The following KIF21A variants were observed in gnomAD, a reference collection of about 807,000 sequenced individuals.
KIF21A encodes kinesin family member 21A.
A neutral mutation model predicts 202.9 loss-of-function variants in KIF21A; 114 were observed. The ratio of observed to expected loss-of-function variants is 0.56; its 90% CI spans 0.48 to 0.66. The LOEUF is 0.66. KIF21A is among the 30% of genes least tolerant of loss of function. KIF21A has a pLI of 0.00. For synonymous variants in KIF21A, 667 were observed against 670.8 expected, an observed-to-expected ratio of 0.99 and a Z score of 0.09; for missense variants, 1,677 against 1,994.9, an observed-to-expected ratio of 0.84 and a Z score of 3.04.
intron 17 of KIF21A, among the ~76,000 whole-genome samples, chr12:39,335,410 CAAAAAAAAAAAAA>C (rs1033088626): frequency 1.1e-4 from 7 of 61,964 alleles, no homozygotes; most frequent in East Asian, 4.5e-4. Context: ...GACTCTGTCT[CAAAAAAAAAAAAA>C]AAAAAAAAAA....
At chr12:39,409,891 G>A (rs1034883216) in intron 1 of KIF21A, among the ~76,000 whole-genome samples, 1 of 151,656 alleles carries the variant, frequency 6.6e-6, no homozygotes, top group Non-Finnish European at 1.5e-5. Flanking sequence ...GAGTGCAATG[G>A]CGCGATCTTG....
At chr12:39,355,648 G>T (rs977941313) in intron 10 of KIF21A, among the ~76,000 whole-genome samples, 2 of 146,550 alleles carry the variant, frequency 1.4e-5, no homozygotes, top group African/African-American at 5.2e-5. Context: ...GTTGGTTGCT[G>T]AGCAGAACCA....
At chr12:39,355,006 T>G (rs1948656839) in intron 10 of KIF21A, among the ~76,000 whole-genome samples, 1 of 152,176 alleles carries the variant, frequency 6.6e-6, no homozygotes, top group Non-Finnish European at 1.5e-5. Flanking sequence ...AATTCAAGGT[T>G]CATTTATGCT....
intron 1 of KIF21A, among the ~76,000 whole-genome samples, chr12:39,371,310 T>G (rs147864289): frequency 0.011 from 1,664 of 152,176 alleles, 39 homozygotes; most frequent in African/African-American, 0.036. Flanking sequence ...TCTCCAAAAC[T>G]TAGTGAATTA....
chr12:39,317,845 C>A (rs1178587722), intron 29 of KIF21A, among the ~76,000 whole-genome samples: 1 of 152,150 alleles, frequency 6.6e-6, no homozygotes, highest in Non-Finnish European at 1.5e-5. Flanking sequence ...GTGCTGAAGG[C>A]ATACCAATAC....
chr12:39,361,633 G>C (rs548654749), intron 7 of KIF21A, among the ~76,000 whole-genome samples: 91 of 134,632 alleles, frequency 6.8e-4, no homozygotes, highest in African/African-American at 2.7e-3. Context: ...AGCCTCCCGA[G>C]TAGCTGGGAC....
intron 1 of KIF21A, among the ~76,000 whole-genome samples, chr12:39,372,823 C>T (rs952154890): frequency 8.5e-5 from 13 of 152,138 alleles, no homozygotes; most frequent in African/African-American, 3.1e-4. Flanking sequence ...AAACCCCAAT[C>T]CTCTTTAGGA....
At chr12:39,369,624 G>T in intron 3 of KIF21A, 105 bp downstream of exon 3, 1 of 804,014 alleles carries the variant, frequency 1.2e-6, no homozygotes, top group Non-Finnish European at 2.0e-6. Flanking sequence ...CATTTATTGA[G>T]TACTATCTTC....
chr12:39,399,291 G>A (rs775830428), intron 1 of KIF21A, among the ~76,000 whole-genome samples: 1 of 152,338 alleles, frequency 6.6e-6, no homozygotes, highest in Non-Finnish European at 1.5e-5. Context: ...GGATGTGTGA[G>A]TATATATGCA....
intron 33 of KIF21A, among the ~76,000 whole-genome samples, chr12:39,308,788 T>C (rs560254612): frequency 1.2e-4 from 19 of 152,282 alleles, no homozygotes; most frequent in South Asian, 2.1e-4. Flanking sequence ...TAATACACGA[T>C]ATAATAGTAT....
At position 39,303,151 on chromosome 12, in the gene KIF21A, C is replaced by T; in HGVS notation, c.4561-16G>A. On this transcript the variant is annotated splice_polypyrimidine_tract_variant and intron_variant, in intron 35 of 37. Transcript: ENST00000361418. ...CATCAAACATCTAAAAAGGTAGAAA[C>T]AAAGCAGTTATCCTATTTAACTTGC... 6.2e-7 allele frequency: 1 copy of T among 1,613,122 alleles called. No individual in the cohort carries two copies. The highest frequency in any genetic ancestry group is 1.3e-5 in the African/African-American group (1 of 75,024).
intron 28 of KIF21A, among the ~76,000 whole-genome samples, chr12:39,319,516 A>G (rs1329575191): frequency 6.6e-6 from 1 of 152,246 alleles, no homozygotes; most frequent in Non-Finnish European, 1.5e-5. Context: ...CTAAAGAGGT[A>G]GGGTCAAGAT....
chr12:39,326,023 TC>T (rs1945873383), intron 25 of KIF21A, 130 bp from the exon 26 acceptor site: 2 of 708,686 alleles, frequency 2.8e-6, no homozygotes, highest in South Asian at 3.4e-5. Flanking sequence ...ATATTTAAAG[TC>T]AAAATGAATT....
At chr12:39,307,152 T>C (rs1943554437) in intron 34 of KIF21A, among the ~76,000 whole-genome samples, 1 of 152,144 alleles carries the variant, frequency 6.6e-6, no homozygotes, top group African/African-American at 2.4e-5. Flanking sequence ...GAGGACTTTA[T>C]GCCCAAAGTT....
chr12:39,393,079 T>A lies in KIF21A; in HGVS notation c.45-22818A>T, dbSNP rs1476412025. Among the ~76,000 whole-genome samples, 5 of 151,268 alleles carry A rather than the reference T, an allele frequency of 3.3e-5. No homozygotes were observed. The South Asian group carries it at 1.1e-3, about 32-fold the overall frequency. ...ATAGCATTCTAAGGAAATTGCTGTG[T>A]AGGGAACCCAGTTTTTGGTCTTCTG... On this transcript the variant is annotated intron_variant, in intron 1 of 37. Coordinates refer to ENST00000361418, the MANE Select transcript of KIF21A (RefSeq NM_001173464.2).
chr12:39,436,422 T>TTTTA (rs1424497663), intron 1 of KIF21A, among the ~76,000 whole-genome samples: 29 of 99,104 alleles, frequency 2.9e-4, no homozygotes, highest in African/African-American at 1.0e-3. Flanking sequence ...GTTTACTATA[T>TTTTA]TATATATATA....
At position 39,340,310 on chromosome 12, in the gene KIF21A, T is replaced by C. The variant is rs756882881; in HGVS notation, c.2165A>G (p.Glu722Gly). The change falls in exon 16 of 38, where the codon GAA becomes GGA. Residue 722 changes from glutamate to glycine, a missense_variant. Around this residue, in one of 3 missense-constraint regions of KIF21A, gnomAD observed 966 missense variants for 1,180.9 expected, o/e 0.82. Transcript: ENST00000361418. ...EKAKKVRSEY[E>G]KKLQAMNKEL... ...TTTGTTCATGGCTTGGAGTTTCTTT[T>C]CATATTCAGACCTAACTTTTTTTGC... 6.2e-7 allele frequency: 1 copy of C among 1,612,570 alleles called. No individual in the cohort carries two copies. The highest frequency in any genetic ancestry group is 8.5e-7 in the Non-Finnish European group (1 of 1,179,368).
At chr12:39,355,629 C>T (rs1385762393) in intron 10 of KIF21A, among the ~76,000 whole-genome samples, 1 of 149,518 alleles carries the variant, frequency 6.7e-6, no homozygotes, top group Non-Finnish European at 1.5e-5. Flanking sequence ...GTAGAAACTG[C>T]AAGTCCAGGT....
intron 10 of KIF21A, among the ~76,000 whole-genome samples, chr12:39,354,554 A>C (rs2138758012): frequency 6.6e-6 from 1 of 152,320 alleles, no homozygotes; most frequent in East Asian, 1.9e-4. Context: ...TTATCTCACA[A>C]GTAATGTGAC....
Sources: allele counts gnomAD v4.1 joint callset (sites outside exome capture counted in the v4.1 genomes callset), GRCh38; gene constraint gnomAD v4.1.1; regional missense constraint gnomAD v4.1.1; transcripts MANE v1.5; gene names NCBI Gene and HGNC (gene_info 2026-07-23, HGNC 2026-07-21).